Variants in FARSB observed in about 807,000 individuals in gnomAD.
The protein encoded by FARSB is phenylalanine--tRNA ligase beta subunit.
A neutral mutation model predicts 69.6 loss-of-function variants in FARSB; 40 were observed. That is an observed-to-expected ratio of 0.57 (90% CI 0.45 to 0.75). The LOEUF (loss-of-function observed/expected upper bound fraction) is 0.75, where lower values mean the gene tolerates loss of function less well. FARSB is among the 30% of genes least tolerant of loss of function. FARSB has a pLI of 0.00. For synonymous variants in FARSB, 235 were observed against 247.2 expected (o/e 0.95, Z 0.46); for missense variants, 632 against 722.9 (o/e 0.87, Z 1.44).
chr2:222,572,349 A>G (rs941996289), intron 16 of FARSB, among the ~76,000 whole-genome samples: 1 of 152,162 alleles, frequency 6.6e-6, no homozygotes, highest in Non-Finnish European at 1.5e-5. Context: ...TGCACTTGGA[A>G]CTGGTCCTAA....
intron 15 of FARSB, among the ~76,000 whole-genome samples, chr2:222,611,116 A>G (rs537729970): frequency 3.2e-4 from 49 of 152,360 alleles, no homozygotes; most frequent in Admixed American, 9.2e-4. Flanking sequence ...CTATGTTTTC[A>G]AGATGGTAGA....
chr2:222,631,240 A>C (rs775834732), intron 8 of FARSB, among the ~76,000 whole-genome samples: 2 of 152,070 alleles, frequency 1.3e-5, no homozygotes, highest in Admixed American at 1.3e-4. Context: ...TCCGCATATA[A>C]ATTAAGTCAA....
chr2:222,633,908 G>A lies in FARSB; in HGVS notation c.606+483C>T, dbSNP rs573057287. On this transcript the variant is annotated intron_variant, in intron 6 of 16. Transcript: ENST00000281828. The stretch of plus-strand genomic sequence containing the variant: ...ATGACAAAACTATTTAGATAAATAC[G>A]AAGAAGTCACTTGCAAATCAGGGCA... Among the ~76,000 whole-genome samples the A allele has an allele frequency of 1.6e-3, 239 of 152,214 alleles. 1 individual carries two copies. The highest frequency in any genetic ancestry group is 5.2e-3 in the African/African-American group (217 of 41,534).
At chr2:222,652,843 T>C (rs1003217805) in intron 1 of FARSB, among the ~76,000 whole-genome samples, 5 of 152,236 alleles carry the variant, frequency 3.3e-5, no homozygotes, top group Admixed American at 2.0e-4. Context: ...AACTTTGGGA[T>C]AATTTAGTAT....
chr2:222,648,680 C>A (rs1691938995), intron 2 of FARSB, 60 bp downstream of exon 2: 2 of 1,003,796 alleles, frequency 2.0e-6, no homozygotes, highest in Middle Eastern at 2.0e-4. Flanking sequence ...TACAGTATAA[C>A]CCTGAAAAAT....
intron 10 of FARSB, among the ~76,000 whole-genome samples, chr2:222,625,858 A>C (rs979526430): frequency 2.0e-4 from 30 of 152,216 alleles, no homozygotes; most frequent in African/African-American, 7.0e-4. Context: ...TAAACTGCCA[A>C]GTCCAAGTGC....
At position 222,573,021 on chromosome 2, in the gene FARSB, C is replaced by T. The variant is rs115426563; in HGVS notation, c.1619-999G>A. ...GCAGAGCTGGGCCACAGTGTCCAGC[C>T]TGCCACTTCAGAGTGAGTGCATTAT... On this transcript the variant is annotated intron_variant, in intron 16 of 16. Transcript: ENST00000281828. Among the ~76,000 whole-genome samples the T allele has an allele frequency of 4.3e-3, 659 of 152,258 alleles. 8 individuals are homozygous for T. The highest frequency in any genetic ancestry group is 0.015 in the African/African-American group (624 of 41,558).
At chr2:222,630,583 A>C (rs758429577) in intron 8 of FARSB, among the ~76,000 whole-genome samples, 1 of 152,252 alleles carries the variant, frequency 6.6e-6, no homozygotes, top group Non-Finnish European at 1.5e-5. Flanking sequence ...TTAAGGAGAT[A>C]ATGAAAATTC....
At chr2:222,603,503 T>C (rs1015993766) in intron 15 of FARSB, among the ~76,000 whole-genome samples, 1 of 151,774 alleles carries the variant, frequency 6.6e-6, no homozygotes. Flanking sequence ...TAACTATCTG[T>C]CAATTTATCT....
chr2:222,629,952 G>C (rs1691373897), intron 9 of FARSB, among the ~76,000 whole-genome samples, 161 bp downstream of exon 9: 1 of 151,916 alleles, frequency 6.6e-6, no homozygotes, highest in South Asian at 2.1e-4. Flanking sequence ...TGTTGCCCAG[G>C]CTGGTCTTGA....
At position 222,631,693 on chromosome 2, in the gene FARSB, A is replaced by G. The variant is rs756610192; in HGVS notation, c.716-19T>C. On this transcript the variant is annotated intron_variant, in intron 7 of 16. Coordinates refer to ENST00000281828, the MANE Select transcript of FARSB (RefSeq NM_005687.5). Reference sequence around the variant, plus strand: ...TGATCCCCTGCAATGAACACAAAACAATAACATTAAAATAACTAATTTCAG... The same window carrying G: ...TGATCCCCTGCAATGAACACAAAACGATAACATTAAAATAACTAATTTCAG... The G allele has an allele frequency of 3.0e-6, 4 of 1,332,622 alleles. No homozygotes were observed. The Admixed American group carries it at 5.2e-5, about 17-fold the overall frequency. 82.5% of individuals were successfully genotyped at this position (1,332,622 alleles called of 1,614,324 possible).
intron 16 of FARSB, among the ~76,000 whole-genome samples, chr2:222,583,282 C>T (rs1379747746): frequency 6.6e-6 from 1 of 152,164 alleles, no homozygotes; most frequent in African/African-American, 2.4e-5. Context: ...AATTTCAAAG[C>T]TCTTCCCCCA....
rs1199758162 is a variant in FARSB, at chr2:222,640,975, A to T, written c.270-44T>A. On this transcript the variant is annotated intron_variant, in intron 3 of 16. Transcript: ENST00000281828. Reference sequence around the variant, plus strand: ...GAATTTACTCATAATTAATCAAGACATTATATAAAATAATTACATTCTATG... The same window carrying T: ...GAATTTACTCATAATTAATCAAGACTTTATATAAAATAATTACATTCTATG... 1.7e-5 allele frequency: 16 copies of T among 949,964 alleles called. No individual in the cohort carries two copies. In the Admixed American group the frequency reaches 3.8e-4, roughly 23 times the overall value. 58.8% of individuals were successfully genotyped at this position (949,964 alleles called of 1,614,324 possible). A position where few individuals can be genotyped will look rare whatever the true frequency, so the allele number is the denominator to read the frequency against.
chr2:222,610,283 G>GT (rs1690811720), intron 15 of FARSB, among the ~76,000 whole-genome samples: 1 of 152,170 alleles, frequency 6.6e-6, no homozygotes, highest in South Asian at 2.1e-4. Flanking sequence ...GAAAACTATG[G>GT]TTTAGACTTT....
intron 3 of FARSB, 86 bp from the exon 4 acceptor site, chr2:222,641,017 T>C (rs1052239568): frequency 2.6e-5 from 15 of 574,146 alleles, no homozygotes; most frequent in South Asian, 1.2e-4. Flanking sequence ...ATAGGAAGTA[T>C]ACAAAATGAA....
intron 5 of FARSB, among the ~76,000 whole-genome samples, chr2:222,635,482 C>T (rs535658362): frequency 7.9e-5 from 12 of 152,288 alleles, no homozygotes; most frequent in African/African-American, 2.9e-4. Context: ...TGTTACTTTA[C>T]TCAATTAGTC....
At chr2:222,638,630 C>T (rs1220814524) in intron 5 of FARSB, among the ~76,000 whole-genome samples, 1 of 152,158 alleles carries the variant, frequency 6.6e-6, no homozygotes, top group African/African-American at 2.4e-5. Context: ...AGATGTTTTT[C>T]ACCACAGCAG....
intron 6 of FARSB, among the ~76,000 whole-genome samples, chr2:222,633,739 C>T (rs1691505050): frequency 6.7e-6 from 1 of 149,572 alleles, no homozygotes; most frequent in Non-Finnish European, 1.5e-5. Context: ...AAAACAGACC[C>T]AAATTAAAGA....
intron 2 of FARSB, among the ~76,000 whole-genome samples, chr2:222,643,404 G>A (rs1282661944): frequency 6.6e-6 from 1 of 152,186 alleles, no homozygotes; most frequent in Non-Finnish European, 1.5e-5. Context: ...TAGCTGAGTT[G>A]TAACAGAGAC....
Sources: allele counts gnomAD v4.1 joint callset (sites outside exome capture counted in the v4.1 genomes callset), GRCh38; gene constraint gnomAD v4.1.1; transcripts MANE v1.5; gene names NCBI Gene and HGNC (gene_info 2026-07-23, HGNC 2026-07-21).